Variants in CDH13 observed in about 807,000 individuals in gnomAD.
The protein encoded by CDH13 is cadherin 13, also known as cadherin-13.
In CDH13, 24 loss-of-function variants were observed where a neutral mutation model predicts 63.8. The observed-to-expected ratio is 0.38, with a 90% confidence interval of 0.27 to 0.53. The LOEUF is 0.53. CDH13 is among the 20% of genes least tolerant of loss of function. CDH13 has a pLI of 0.85. For missense variants in CDH13, 1,049 were observed against 903.1 expected, an observed-to-expected ratio of 1.16 and a Z score of -2.07; for synonymous variants, 503 against 355.3, an observed-to-expected ratio of 1.42 and a Z score of -4.67.
At chr16:82,747,082 T>C (rs1205715717) in intron 1 of CDH13, among the ~76,000 whole-genome samples, 1 of 152,362 alleles carries the variant, frequency 6.6e-6, no homozygotes, top group East Asian at 1.9e-4. Context: ...GTAGAAAATA[T>C]GCTTTCTCAA....
intron 7 of CDH13, among the ~76,000 whole-genome samples, chr16:83,574,699 G>A (rs1326506332): frequency 6.6e-6 from 1 of 152,092 alleles, no homozygotes; most frequent in Non-Finnish European, 1.5e-5. Flanking sequence ...CACTTCAGTG[G>A]TAGCTTCGCG....
chr16:83,442,538 A>G lies in CDH13; in HGVS notation c.782-43939A>G, dbSNP rs150059615. On this transcript the variant is annotated intron_variant, in intron 6 of 13. Transcript: ENST00000567109. ...GAGAGATCCAGCTTTGACCTGGAAA[A>G]CTTTCACATTGCAAGTTTTTTTTTT... 1.0e-4 allele frequency among the ~76,000 whole-genome samples: 13 copies of G among 125,384 alleles called. No homozygotes were observed. In the East Asian group the frequency reaches 2.8e-3, roughly 27 times the overall value. 82.3% of individuals were successfully genotyped at this position (125,384 alleles called of 152,430 possible). A position where few individuals can be genotyped will look rare whatever the true frequency, so the allele number is the denominator to read the frequency against.
At chr16:82,939,205 C>A (rs2042756916) in intron 2 of CDH13, among the ~76,000 whole-genome samples, 1 of 152,148 alleles carries the variant, frequency 6.6e-6, no homozygotes, top group South Asian at 2.1e-4. Flanking sequence ...AGATGGATCA[C>A]CTGAGCTCAG....
At chr16:83,617,274 T>G (rs1286300819) in intron 8 of CDH13, among the ~76,000 whole-genome samples, 1 of 152,230 alleles carries the variant, frequency 6.6e-6, no homozygotes, top group Non-Finnish European at 1.5e-5. Flanking sequence ...TGGCTTCTGA[T>G]GTACTATTAA....
intron 4 of CDH13, among the ~76,000 whole-genome samples, chr16:83,207,807 A>T (rs1019949127): frequency 1.3e-5 from 2 of 152,130 alleles, no homozygotes; most frequent in Non-Finnish European, 2.9e-5. Context: ...ATAACCAGAA[A>T]AAAGGGCACA....
chr16:83,759,747 C>G (rs926257715), intron 11 of CDH13, among the ~76,000 whole-genome samples: 3 of 151,666 alleles, frequency 2.0e-5, no homozygotes, highest in African/African-American at 7.3e-5. Flanking sequence ...AGTAATAAAG[C>G]AAGACCTTAT....
intron 2 of CDH13, among the ~76,000 whole-genome samples, chr16:82,973,339 T>C (rs1212536191): frequency 6.6e-6 from 1 of 152,212 alleles, no homozygotes; most frequent in Non-Finnish European, 1.5e-5. Flanking sequence ...CGATTCAACT[T>C]TCTGTTCCAA....
At chr16:83,753,114 C>T (rs1354682137) in intron 11 of CDH13, among the ~76,000 whole-genome samples, 1 of 152,178 alleles carries the variant, frequency 6.6e-6, no homozygotes, top group Non-Finnish European at 1.5e-5. Flanking sequence ...ACCCAAAGGA[C>T]TTACAGCAAA....
intron 6 of CDH13, among the ~76,000 whole-genome samples, chr16:83,398,345 T>G (rs116333086): frequency 0.014 from 2,057 of 152,220 alleles, 58 homozygotes; most frequent in African/African-American, 0.047. Flanking sequence ...CTCCAGGGAT[T>G]CCATGGCCTC....
At chr16:82,864,425 G>A (rs1213994527) in intron 2 of CDH13, among the ~76,000 whole-genome samples, 3 of 152,128 alleles carry the variant, frequency 2.0e-5, no homozygotes, top group Non-Finnish European at 4.4e-5. Flanking sequence ...ATGGCTGAGG[G>A]GTGGCCTCGG....
intron 2 of CDH13, among the ~76,000 whole-genome samples, chr16:82,923,238 T>C (rs2042210551): frequency 6.6e-6 from 1 of 152,200 alleles, no homozygotes; most frequent in Non-Finnish European, 1.5e-5. Flanking sequence ...GTCACATGGG[T>C]GTGTCCATAC....
intron 7 of CDH13, among the ~76,000 whole-genome samples, chr16:83,512,165 C>G (rs562837439): frequency 2.0e-5 from 3 of 149,180 alleles, no homozygotes; most frequent in East Asian, 4.0e-4. Context: ...CCTAAAAATA[C>G]AAAAAATTAG....
chr16:83,570,138 ATTG>A (rs1904439822), intron 7 of CDH13, among the ~76,000 whole-genome samples: 2 of 152,306 alleles, frequency 1.3e-5, no homozygotes, highest in South Asian at 4.1e-4. Flanking sequence ...AAGAAGCTCT[ATTG>A]TTGGCCAGAA....
chr16:83,242,311 G>C (rs16959872), intron 5 of CDH13, among the ~76,000 whole-genome samples: 7,346 of 152,254 alleles, frequency 0.048, 609 homozygotes, highest in African/African-American at 0.17. Flanking sequence ...AAGATGGACA[G>C]ATTGCCATTT....
chr16:83,165,652 G>C (rs2037633319), intron 4 of CDH13, among the ~76,000 whole-genome samples: 1 of 152,034 alleles, frequency 6.6e-6, no homozygotes, highest in African/African-American at 2.4e-5. Context: ...GGAAGGATAA[G>C]AAGCAAATAA....
At chr16:83,170,291 G>A (rs1320693870) in intron 4 of CDH13, among the ~76,000 whole-genome samples, 1 of 151,952 alleles carries the variant, frequency 6.6e-6, no homozygotes, top group Non-Finnish European at 1.5e-5. Flanking sequence ...CATTTTCTCA[G>A]ACTCCCACCC....
chr16:83,333,261 A>C (rs2090516106), intron 5 of CDH13, among the ~76,000 whole-genome samples: 1 of 152,168 alleles, frequency 6.6e-6, no homozygotes, highest in African/African-American at 2.4e-5. Context: ...TCAGAGAGAA[A>C]CCTGGATTAC....
rs536122069 is a variant in CDH13, at chr16:82,976,429, C to T, written c.158-55581C>T. On this transcript the variant is annotated intron_variant, in intron 2 of 13. Coordinates refer to ENST00000567109, the MANE Select transcript of CDH13 (RefSeq NM_001257.5). ...CCTTTTTCTTCACTGTGCTGGAGCT[C>T]CAGGCGCTTTTCCAGTTATCCTCAT... Among the ~76,000 whole-genome samples the T allele has an allele frequency of 2.0e-3, 307 of 152,256 alleles. 1 individual carries two copies. The highest frequency in any genetic ancestry group is 0.017 in the Middle Eastern group (5 of 294).
intron 4 of CDH13, among the ~76,000 whole-genome samples, chr16:83,202,419 G>T (rs990714538): frequency 3.3e-5 from 5 of 152,066 alleles, no homozygotes; most frequent in African/African-American, 1.2e-4. Flanking sequence ...TGGGGTGGGG[G>T]GCCCTGGAAA....
Sources: allele counts gnomAD v4.1 joint callset (sites outside exome capture counted in the v4.1 genomes callset), GRCh38; gene constraint gnomAD v4.1.1; transcripts MANE v1.5; gene names NCBI Gene and HGNC (gene_info 2026-07-23, HGNC 2026-07-21).